Variants in DTNA observed in about 807,000 individuals in gnomAD.
DTNA encodes the protein dystrobrevin alpha.
Under a neutral mutation model 100.7 loss-of-function variants are expected in DTNA, and 43 were observed. That is an observed-to-expected ratio of 0.43 (90% CI 0.33 to 0.55). DTNA has a LOEUF of 0.55. Ranked by LOEUF, DTNA falls within the 20% of genes least tolerant of loss-of-function variation. DTNA has a pLI of 0.04. For missense variants in DTNA, 798 were observed against 953.9 expected (o/e 0.84, Z 2.15); for synonymous variants, 349 against 347.9 (o/e 1.00, Z -0.04).
chr18:34,797,982 T>G (rs576090339), intron 4 of DTNA, among the ~76,000 whole-genome samples: 1 of 150,500 alleles, frequency 6.6e-6, no homozygotes, highest in East Asian at 1.9e-4. Context: ...CTTTCTGAGC[T>G]CTTGTCGTAC....
At chr18:34,509,961 C>T (rs2040870414) in intron 1 of DTNA, among the ~76,000 whole-genome samples, 1 of 151,882 alleles carries the variant, frequency 6.6e-6, no homozygotes, top group Admixed American at 6.6e-5. Flanking sequence ...ATTCTATTAC[C>T]AGTCTGCCAT....
intron 1 of DTNA, among the ~76,000 whole-genome samples, chr18:34,567,527 T>C (rs949512526): frequency 6.6e-6 from 1 of 152,134 alleles, no homozygotes; most frequent in African/African-American, 2.4e-5. Flanking sequence ...AGTATACAGA[T>C]TGATAAGAAA....
chr18:34,755,643 T>C, intron 1 of DTNA: 1 of 316,726 alleles, frequency 3.2e-6, no homozygotes, highest in South Asian at 3.0e-5. Context: ...ATTCTTAAAA[T>C]TGAAAGAGAA....
intron 1 of DTNA, among the ~76,000 whole-genome samples, chr18:34,520,333 G>A (rs1313753258): frequency 1.3e-5 from 2 of 152,100 alleles, no homozygotes; most frequent in Non-Finnish European, 2.9e-5. Flanking sequence ...TTGACCCAAA[G>A]TGGATCTTTA....
intron 1 of DTNA, among the ~76,000 whole-genome samples, chr18:34,611,837 T>G (rs532459553): frequency 6.6e-6 from 1 of 152,272 alleles, no homozygotes; most frequent in East Asian, 1.9e-4. Flanking sequence ...AAGAGCAGTT[T>G]CCAGAAGACT....
intron 1 of DTNA, among the ~76,000 whole-genome samples, chr18:34,617,621 GA>G (rs1369415964): frequency 6.6e-6 from 1 of 152,082 alleles, no homozygotes; most frequent in African/African-American, 2.4e-5. Context: ...TTGGTATCAC[GA>G]TGATGCTGGT....
intron 1 of DTNA, among the ~76,000 whole-genome samples, chr18:34,633,376 A>T (rs1372972162): frequency 6.6e-6 from 1 of 152,174 alleles, no homozygotes; most frequent in Non-Finnish European, 1.5e-5. Flanking sequence ...ACTTTAAAAA[A>T]TTTTTAATAG....
At chr18:34,551,881 G>C (rs2045462267) in intron 1 of DTNA, among the ~76,000 whole-genome samples, 1 of 152,004 alleles carries the variant, frequency 6.6e-6, no homozygotes, top group Non-Finnish European at 1.5e-5. Flanking sequence ...TGTGATCTTG[G>C]CCTGTCTCTG....
chr18:34,500,472 T>C (rs1055673504), intron 1 of DTNA, among the ~76,000 whole-genome samples: 2 of 150,700 alleles, frequency 1.3e-5, no homozygotes, highest in African/African-American at 4.9e-5. Context: ...GTTGTTTGTT[T>C]GTTTGTTTTG....
At chr18:34,796,995 A>G (rs930351047) in intron 4 of DTNA, among the ~76,000 whole-genome samples, 3 of 152,172 alleles carry the variant, frequency 2.0e-5, no homozygotes, top group Non-Finnish European at 4.4e-5. Flanking sequence ...GCAGACTGTA[A>G]TCAGTTTCCT....
At chr18:34,656,559 G>A (rs1164910415) in intron 1 of DTNA, among the ~76,000 whole-genome samples, 1 of 152,108 alleles carries the variant, frequency 6.6e-6, no homozygotes, top group African/African-American at 2.4e-5. Flanking sequence ...CTTTCATATT[G>A]AAGTTCTCCT....
At chr18:34,806,891 T>C (rs1287634379) in intron 5 of DTNA, among the ~76,000 whole-genome samples, 1 of 151,996 alleles carries the variant, frequency 6.6e-6, no homozygotes, top group East Asian at 1.9e-4. Flanking sequence ...TATGGTAGAG[T>C]TCCTTAACCA....
At chr18:34,740,163 G>C (rs1419089006) in intron 1 of DTNA, among the ~76,000 whole-genome samples, 1 of 152,068 alleles carries the variant, frequency 6.6e-6, no homozygotes, top group African/African-American at 2.4e-5. Context: ...TTTTTTAGTA[G>C]TTATTTCTTA....
intron 1 of DTNA, among the ~76,000 whole-genome samples, chr18:34,516,029 G>A (rs2041572734): frequency 6.6e-6 from 1 of 152,056 alleles, no homozygotes; most frequent in Non-Finnish European, 1.5e-5. Flanking sequence ...CTATAACCAT[G>A]CTTGAAATTT....
chr18:34,776,631 G>A (rs769197610), intron 3 of DTNA, among the ~76,000 whole-genome samples: 15 of 152,142 alleles, frequency 9.9e-5, no homozygotes, highest in Non-Finnish European at 2.1e-4. Flanking sequence ...ATAAGCCACC[G>A]TGCCTGGCCC....
At chr18:34,520,356 A>G (rs1302580788) in intron 1 of DTNA, among the ~76,000 whole-genome samples, 1 of 152,108 alleles carries the variant, frequency 6.6e-6, no homozygotes, top group Non-Finnish European at 1.5e-5. Context: ...ATCTCATTTA[A>G]AAAATCTTCC....
intron 1 of DTNA, among the ~76,000 whole-genome samples, chr18:34,752,149 G>A (rs983995886): frequency 2.0e-5 from 3 of 152,200 alleles, no homozygotes; most frequent in Admixed American, 1.3e-4. Context: ...ACCAAATTGG[G>A]CTCATCGGTG....
intron 1 of DTNA, among the ~76,000 whole-genome samples, chr18:34,570,655 G>T (rs1183989596): frequency 1.3e-5 from 2 of 152,268 alleles, no homozygotes; most frequent in East Asian, 1.9e-4. Flanking sequence ...TGTATCTGGA[G>T]AAATTATACT....
chr18:34,493,446 C>T (rs1380131142), exon 1 of DTNA: 2 of 152,456 alleles, frequency 1.3e-5, no homozygotes, highest in Non-Finnish European at 2.9e-5. Flanking sequence ...GCTCAAACCT[C>T]CCTGCAGACC....
Sources: gnomAD v4.1 joint callset for allele counts (sites outside exome capture counted in the v4.1 genomes callset) on GRCh38, gnomAD v4.1.1 for gene constraint, MANE v1.5 for transcripts, NCBI Gene and HGNC (gene_info 2026-07-23, HGNC 2026-07-21) for gene names.